Variants in ADAMTS15 observed in about 807,000 individuals in gnomAD.
The protein encoded by ADAMTS15 is ADAM metallopeptidase with thrombospondin type 1 motif 15.
A neutral mutation model predicts 79.1 loss-of-function variants in ADAMTS15; 35 were observed. The ratio of observed to expected loss-of-function variants is 0.44; its 90% CI spans 0.34 to 0.59. The LOEUF is 0.59. ADAMTS15 is among the 20% of genes least tolerant of loss of function. The pLI is 0.02. For missense variants in ADAMTS15, 1,324 were observed against 1,318.7 expected, an observed-to-expected ratio of 1.00 and a Z score of -0.06; for synonymous variants, 616 against 567.3, an observed-to-expected ratio of 1.09 and a Z score of -1.22.
intron 4 of ADAMTS15, among the ~76,000 whole-genome samples, chr11:130,465,352 C>G (rs1243807358): frequency 2.0e-5 from 3 of 152,232 alleles, no homozygotes; most frequent in Admixed American, 2.0e-4. Context: ...CCCATCCCCT[C>G]TCGCTTGTTA....
Position 130,474,839 on chromosome 11 carries a change from G to C in ADAMTS15, c.*1018G>C, listed in dbSNP as rs1255184474. Reference sequence around the variant, plus strand: ...GGTCTGTGTCGCCTCAGACAGCCCTGACAGTGGCCACAGTCCCGTACCCAT... The same window carrying C: ...GGTCTGTGTCGCCTCAGACAGCCCTCACAGTGGCCACAGTCCCGTACCCAT... On this transcript the variant is annotated 3_prime_UTR_variant, in exon 8 of 8. Coordinates refer to ENST00000299164, the MANE Select transcript of ADAMTS15 (RefSeq NM_139055.4). 2 of 152,172 alleles carry C rather than the reference G, an allele frequency of 1.3e-5. No homozygotes were observed. Among genetic ancestry groups the C allele is most frequent in the East Asian group, 3.9e-4 (2 of 5,178 alleles). 9.4% of individuals were successfully genotyped at this position (152,172 alleles called of 1,614,324 possible).
intron 5 of ADAMTS15, among the ~76,000 whole-genome samples, chr11:130,470,196 A>ATATATG (rs1938419050): frequency 1.7e-5 from 1 of 59,372 alleles, no homozygotes; most frequent in Non-Finnish European, 3.4e-5. Context: ...GTATATATAT[A>ATATATG]TATATATATA....
rs1938493698 is a variant in ADAMTS15 at position 130,473,140 on chromosome 11, C to T, written c.2172C>T (p.Asn724=). 1.2e-6 allele frequency: 2 copies of T among 1,614,126 alleles called. No individual in the cohort carries two copies. Among genetic ancestry groups the T allele is most frequent in the Admixed American group, 1.7e-5 (1 of 60,032 alleles). The change falls in exon 8 of 8, where the codon AAC becomes AAT. Residue 724 remains asparagine, a synonymous_variant. Coordinates refer to ENST00000299164, the MANE Select transcript of ADAMTS15 (RefSeq NM_139055.4). ...ACAAAGGGCTGATCGGGGATGACAA[C>T]TACCTGGCTCTGAAGAACAGCCAAG... The part of the protein sequence containing the change: ...RGYKGLIGDD[N]YLALKNSQGK...
In ADAMTS15 at chr11:130,473,586, G is replaced by T. The variant is rs750323599; in HGVS notation, c.2618G>T (p.Arg873Leu). 1.2e-6 allele frequency: 2 copies of T among 1,606,372 alleles called. No individual in the cohort carries two copies. Among genetic ancestry groups the T allele is most frequent in the Admixed American group, 1.7e-5 (1 of 59,740 alleles). ...GACTGCCGGGGCTCCGCCGGGCAGC[G>T]CACGGTCCCTGCCTGTGATGCAGCC... ...AVDCRGSAGQRTVPACDAAHR... is the reference protein window; with the variant it reads ...AVDCRGSAGQLTVPACDAAHR... The change falls in exon 8 of 8, where the codon CGC becomes CTC. Residue 873 changes from arginine to leucine, a missense_variant. Arg to Leu is a moderately radical substitution (Grantham distance 102). Transcript: ENST00000299164.
rs779252990 is a variant in ADAMTS15 at position 130,462,693 on chromosome 11, C to T, written c.1455C>T (p.Phe485=). ...AGATGGTGTGCCAGACCCGCCACTT[C>T]CCCTGGGCCGATGGCACCAGCTGTG... ...KGQMVCQTRH[F]PWADGTSCGE... is the part of the protein sequence containing the mutation. The change falls in exon 4 of 8, where the codon TTC becomes TTT. Residue 485 remains phenylalanine (F), a synonymous_variant. Transcript: ENST00000299164. The surrounding 1 kb of genome is among the most constrained non-coding windows in gnomAD (Gnocchi z 4.3). 7 of 1,613,164 alleles carry T rather than the reference C, an allele frequency of 4.3e-6. No individual in the cohort carries two copies. In the South Asian group the frequency reaches 7.7e-5, roughly 18 times the overall value.
rs1565389380 is a variant in ADAMTS15, at chr11:130,449,223, C to G, written c.250C>G (p.Leu84Val). ...GGCTCCCGCCTTCTCCACTGAGCATCTGGGCGTCCCCCTCCAGGGGCTCAC... is the reference window on the plus strand; with the variant it reads ...GGCTCCCGCCTTCTCCACTGAGCATGTGGGCGTCCCCCTCCAGGGGCTCAC... ...FLAPAFSTEH[L>V]GVPLQGLTGG... The change falls in exon 1 of 8, where the codon CTG becomes GTG. Residue 84 changes from leucine (L) to valine (V), a missense_variant. Leu to Val is a conservative substitution (Grantham distance 32, BLOSUM62 1). Coordinates refer to ENST00000299164, the MANE Select transcript of ADAMTS15 (RefSeq NM_139055.4). This position sits in a 1 kb window ranked among gnomAD's most constrained non-coding sequence, Gnocchi z 7.8. 6.2e-7 allele frequency: 1 copy of G among 1,614,054 alleles called. No individual in the cohort carries two copies. The highest frequency in any genetic ancestry group is 2.2e-5 in the East Asian group (1 of 44,868).
chr11:130,461,442 A>T, intron 1 of ADAMTS15, 47 bp from the exon 2 acceptor site: 1 of 1,612,920 alleles, frequency 6.2e-7, no homozygotes, highest in Non-Finnish European at 8.5e-7. Context: ...CCCTTCTGTC[A>T]CTGTCTCTAA....
chr11:130,473,502 C>T lies in ADAMTS15; in HGVS notation c.2534C>T (p.Ala845Val), dbSNP rs771308781. The T allele has an allele frequency of 6.2e-6, 10 of 1,610,282 alleles. No individual in the cohort carries two copies. Among genetic ancestry groups the T allele is most frequent in the Non-Finnish European group, 7.6e-6 (9 of 1,178,296 alleles). The change falls in exon 8 of 8, where the codon GCT becomes GTT. Residue 845 changes from alanine (A) to valine (V), a missense_variant. By Grantham distance (64) the Ala-to-Val change is moderately conservative. Transcript: ENST00000299164. Reference protein sequence around the residue: ...PDDRPPARWVAGSWGPCSASC... With the variant: ...PDDRPPARWVVGSWGPCSASC... ...GACAGGCCCCCTGCACGCTGGGTGG[C>T]TGGCAGCTGGGGGCCGTGCTCCGCG... is the stretch of plus-strand genomic sequence containing the variant.
intron 1 of ADAMTS15, among the ~76,000 whole-genome samples, chr11:130,453,333 ATTTC>A (rs1358653029): frequency 4.4e-4 from 46 of 103,408 alleles, no homozygotes; most frequent in African/African-American, 1.7e-3. Context: ...CTGTTTCTTC[ATTTC>A]TTTCTTCTTT....
chr11:130,470,152 G>GTATATATA (rs1157689519), intron 5 of ADAMTS15, among the ~76,000 whole-genome samples: 22 of 73,750 alleles, frequency 3.0e-4, no homozygotes, highest in African/African-American at 5.6e-4. Flanking sequence ...ATATATATAT[G>GTATATATA]TGTATATATA....
At position 130,449,243 on chromosome 11, in the gene ADAMTS15, GCTC is replaced by G; in HGVS notation, c.271_273del (p.Leu91del). Reference sequence around the variant, plus strand: ...AGCATCTGGGCGTCCCCCTCCAGGGGCTCACCGGGGGCTCTTCAGACCTGCGAC... The same window carrying G: ...AGCATCTGGGCGTCCCCCTCCAGGGGACCGGGGGCTCTTCAGACCTGCGAC... On this transcript the variant is annotated inframe_deletion, in exon 1 of 8. Coordinates refer to ENST00000299164, the MANE Select transcript of ADAMTS15 (RefSeq NM_139055.4). The surrounding 1 kb of genome is among the most constrained non-coding windows in gnomAD (Gnocchi z 7.8). 1 of 1,613,554 alleles carries G rather than the reference GCTC, an allele frequency of 6.2e-7. No homozygotes were observed. The highest frequency in any genetic ancestry group is 8.5e-7 in the Non-Finnish European group (1 of 1,180,016).
Position 130,462,373 on chromosome 11 carries a change from C to A in ADAMTS15, c.1258+119C>A. 1.3e-6 allele frequency: 2 copies of A among 1,483,486 alleles called. No individual in the cohort carries two copies. The highest frequency in any genetic ancestry group is 1.8e-6 in the Non-Finnish European group (2 of 1,107,514). 91.9% of individuals were successfully genotyped at this position (1,483,486 alleles called of 1,614,324 possible). A position where few individuals can be genotyped will look rare whatever the true frequency, so the allele number is the denominator to read the frequency against. On this transcript the variant is annotated intron_variant, in intron 3 of 7. Transcript: ENST00000299164. This position sits in a 1 kb window ranked among gnomAD's most constrained non-coding sequence, Gnocchi z 4.3. ...ATTAGGTGTGTGTGCCCCCTCGGAG[C>A]CGGGCTCTGACATGAGTGCATTCCT...
At chr11:130,469,759 C>T (rs1050829837) in intron 5 of ADAMTS15, among the ~76,000 whole-genome samples, 1 of 152,070 alleles carries the variant, frequency 6.6e-6, no homozygotes, top group African/African-American at 2.4e-5. Context: ...GAATGATACA[C>T]TAGAAGTCCT....
chr11:130,459,834 C>T (rs1234386659), intron 1 of ADAMTS15, among the ~76,000 whole-genome samples: 1 of 152,258 alleles, frequency 6.6e-6, no homozygotes, highest in Admixed American at 6.5e-5. Context: ...ACTCTGACCG[C>T]TTTTCCTCCC....
At position 130,449,387 on chromosome 11, in the gene ADAMTS15, G is replaced by A. The variant is rs767292100; in HGVS notation, c.414G>A (p.Pro138=). The part of the protein sequence containing the change: ...GYRGAEYVIS[P]LPNASAPAAQ... Reference sequence around the variant, plus strand: ...GAGGCGCCGAGTATGTCATTAGCCCGCTGCCCAATGCTAGCGCGCCGGCGG... The same window carrying A: ...GAGGCGCCGAGTATGTCATTAGCCCACTGCCCAATGCTAGCGCGCCGGCGG... Residue 138 remains proline (P), a synonymous_variant, in exon 1 of 8, where the codon CCG becomes CCA. Coordinates refer to ENST00000299164, the MANE Select transcript of ADAMTS15 (RefSeq NM_139055.4). This position sits in a 1 kb window ranked among gnomAD's most constrained non-coding sequence, Gnocchi z 7.8. 15 of 1,601,666 alleles carry A rather than the reference G, an allele frequency of 9.4e-6. No individual in the cohort carries two copies. The highest frequency in any genetic ancestry group is 1.1e-5 in the Non-Finnish European group (13 of 1,178,764).
At chr11:130,459,851 C>G (rs1938163056) in intron 1 of ADAMTS15, among the ~76,000 whole-genome samples, 1 of 152,248 alleles carries the variant, frequency 6.6e-6, no homozygotes, top group East Asian at 1.9e-4. Context: ...TCCCATGCCC[C>G]CTGGCTCCTG....
Position 130,474,779 on chromosome 11 carries a change from C to T in ADAMTS15, c.*958C>T, listed in dbSNP as rs183743370. ...GCTGCATTTCTAATGGCTTCCTCCT[C>T]CAGAGAGGCACGTATATGCAGGCTG... On this transcript the variant is annotated 3_prime_UTR_variant, in exon 8 of 8. Transcript: ENST00000299164. The T allele has an allele frequency of 4.3e-4, 65 of 152,246 alleles. No individual in the cohort carries two copies. The highest frequency in any genetic ancestry group is 1.5e-3 in the African/African-American group (62 of 41,494). The allele number at this position is 152,246 out of a possible 1,614,324, so 9.4% of individuals were successfully genotyped here. A position where few individuals can be genotyped will look rare whatever the true frequency, so the allele number is the denominator to read the frequency against.
At chr11:130,456,914 G>C (rs183229749) in intron 1 of ADAMTS15, among the ~76,000 whole-genome samples, 13 of 152,322 alleles carry the variant, frequency 8.5e-5, no homozygotes, top group Admixed American at 8.5e-4. Context: ...ACATGAGAAT[G>C]CGTATGTCTT....
At position 130,450,405 on chromosome 11, in the gene ADAMTS15, A is replaced by G. The variant is rs573935803; in HGVS notation, c.957+475A>G. On this transcript the variant is annotated intron_variant, in intron 1 of 7. Transcript: ENST00000299164. The stretch of plus-strand genomic sequence containing the variant: ...AGGTGATCCAAGGTCAGCGCTTGCT[A>G]CATTTCTCTCGGGTAACACGTTGTC... 72 of 985,426 alleles carry G rather than the reference A, an allele frequency of 7.3e-5. No individual in the cohort carries two copies. In the African/African-American group the frequency reaches 9.9e-4, roughly 14 times the overall value. 61.0% of individuals were successfully genotyped at this position (985,426 alleles called of 1,614,324 possible).
Sources: gnomAD v4.1 joint callset for allele counts (sites outside exome capture counted in the v4.1 genomes callset) on GRCh38, gnomAD v4.1.1 for gene constraint, Gnocchi (gnomAD v3.1) non-coding constraint, MANE v1.5 for transcripts, NCBI Gene and HGNC (gene_info 2026-07-23, HGNC 2026-07-21) for gene names.